Variants in LMBR1L observed in about 807,000 individuals in gnomAD.
LMBR1L encodes limb development membrane protein 1 like.
LMBR1L carries 47 observed loss-of-function variants against 67.3 expected under a neutral mutation model. The observed-to-expected ratio is 0.70, with a 90% confidence interval of 0.55 to 0.89. LMBR1L has a LOEUF of 0.89. Among genes scored for constraint, LMBR1L ranks in the 40% least tolerant of loss-of-function variants. The probability of loss-of-function intolerance (pLI) is 0.00; values close to 1 mark genes in which losing one functional copy is unlikely to be tolerated. For synonymous variants in LMBR1L, 247 were observed against 250.3 expected (o/e 0.99, Z 0.13); for missense variants, 533 against 599.2 (o/e 0.89, Z 1.15).
At chr12:49,104,721 C>G (rs1425088383) in intron 4 of LMBR1L, 25 bp downstream of exon 4, 1 of 1,612,556 alleles carries the variant, frequency 6.2e-7, no homozygotes, top group African/African-American at 1.3e-5. Context: ...ATCCCTACCC[C>G]AAGCAGCTTC....
At chr12:49,101,050 A>G (rs747246442) in intron 13 of LMBR1L, 200 bp downstream of exon 13, 143 of 1,204,972 alleles carry the variant, frequency 1.2e-4, no homozygotes, top group Non-Finnish European at 1.5e-4. Context: ...TCTTCTGATC[A>G]GATTCTACTG....
In LMBR1L at chr12:49,104,212, C is replaced by A. The variant is rs1158311968; in HGVS notation, c.435+236G>T. The A allele has an allele frequency of 4.6e-5, 25 of 547,346 alleles. No individual in the cohort carries two copies. The Admixed American group carries it at 6.4e-4, about 14-fold the overall frequency. The allele number at this position is 547,346 out of a possible 1,614,324, so 33.9% of individuals were successfully genotyped here. A position where few individuals can be genotyped will look rare whatever the true frequency, so the allele number is the denominator to read the frequency against. On this transcript the variant is annotated intron_variant, in intron 5 of 16. Transcript: ENST00000267102. Reference sequence around the variant, plus strand: ...TTTGGCAGTGATTATGACACTAAGACAACAGCTCCTCTCTGGGCAGCTTCA... The same window carrying A: ...TTTGGCAGTGATTATGACACTAAGAAAACAGCTCCTCTCTGGGCAGCTTCA...
In LMBR1L at chr12:49,104,432, C is replaced by A. The variant is rs1431808013; in HGVS notation, c.435+16G>T. 6.5e-6 allele frequency: 10 copies of A among 1,531,772 alleles called. No individual in the cohort carries two copies. Among genetic ancestry groups the A allele is most frequent in the Non-Finnish European group, 9.0e-6 (10 of 1,106,168 alleles). 94.9% of individuals were successfully genotyped at this position (1,531,772 alleles called of 1,614,324 possible). The stretch of plus-strand genomic sequence containing the variant: ...TGGAATTCCGTTTCCTGCCTGGATA[C>A]ATATCCCCTACTTACCTTTCTGGAG... On this transcript the variant is annotated intron_variant, in intron 5 of 16. Transcript: ENST00000267102.
In LMBR1L at chr12:49,102,121, G is replaced by A. The variant is rs775304548; in HGVS notation, c.929C>T (p.Thr310Met). The A allele has an allele frequency of 1.4e-5, 23 of 1,613,678 alleles. No individual in the cohort carries two copies. Among genetic ancestry groups the A allele is most frequent in the African/African-American group, 5.3e-5 (4 of 74,922 alleles). Residue 310 changes from threonine to methionine, a missense_variant and splice_region_variant, in exon 11 of 17, where the codon ACG becomes ATG. Thr to Met is a moderately conservative substitution (Grantham distance 81). Around this residue, in one of 3 missense-constraint regions of LMBR1L, gnomAD observed 223 missense variants for 241.2 expected, o/e 0.92. Transcript: ENST00000267102. ...PLAMLCLLVL[T>M]GLSVLIVAIH... Reference sequence around the variant, plus strand: ...CACCTCTAGGGCTGGTATACCTACCGTCAGCACCAGCAAGCACAGCATAGC... The same window carrying A: ...CACCTCTAGGGCTGGTATACCTACCATCAGCACCAGCAAGCACAGCATAGC...
chr12:49,103,635 G>A (rs1161744655), intron 6 of LMBR1L, 52 bp downstream of exon 6: 1 of 1,568,910 alleles, frequency 6.4e-7, no homozygotes, highest in Non-Finnish European at 8.6e-7. Flanking sequence ...CAGGCAGGGG[G>A]ACATGGGCCA....
chr12:49,107,792 C>T (rs899406803), intron 1 of LMBR1L, among the ~76,000 whole-genome samples: 2 of 152,224 alleles, frequency 1.3e-5, no homozygotes, highest in African/African-American at 4.8e-5. Context: ...GCTGCTGCTG[C>T]CCAGAGGAGG....
intron 13 of LMBR1L, 147 bp downstream of exon 13, chr12:49,101,103 T>G: frequency 3.2e-6 from 5 of 1,543,222 alleles, no homozygotes; most frequent in Non-Finnish European, 4.4e-6. Flanking sequence ...TCCTTCTTTC[T>G]GAACCTGAGG....
At chr12:49,109,978 G>T in intron 1 of LMBR1L, 1 of 454,444 alleles carries the variant, frequency 2.2e-6, no homozygotes, top group South Asian at 1.6e-5. Flanking sequence ...ACCCCAGCAA[G>T]ACTCCTTTCT....
intron 16 of LMBR1L, 73 bp downstream of exon 16, chr12:49,097,871 G>T: frequency 1.3e-6 from 2 of 1,589,156 alleles, no homozygotes; most frequent in Non-Finnish European, 1.7e-6. Context: ...CTCCCCTGCT[G>T]GGGTGATCCA....
chr12:49,104,662 G>A, intron 4 of LMBR1L, 84 bp downstream of exon 4: 1 of 1,589,504 alleles, frequency 6.3e-7, no homozygotes, highest in African/African-American at 1.3e-5. Flanking sequence ...ATGACTGCTT[G>A]GCGCACGGCT....
intron 2 of LMBR1L, among the ~76,000 whole-genome samples, chr12:49,106,255 AT>A (rs1403309464): frequency 6.6e-6 from 1 of 152,206 alleles, no homozygotes; most frequent in East Asian, 1.9e-4. Flanking sequence ...CAAACTATTA[AT>A]ATAATAAACA....
intron 1 of LMBR1L, chr12:49,110,001 G>T (rs1229516548): frequency 4.4e-6 from 2 of 457,330 alleles, no homozygotes; most frequent in South Asian, 3.1e-5. Flanking sequence ...CAAAGCAGAT[G>T]ACCCACCAAG....
At position 49,100,474 on chromosome 12, in the gene LMBR1L, G is replaced by A. The variant is rs1940004863; in HGVS notation, c.1174-20C>T. 1.9e-6 allele frequency: 3 copies of A among 1,612,484 alleles called. No homozygotes were observed. In the African/African-American group the frequency reaches 4.0e-5, roughly 22 times the overall value. ...AATTATCTGGGTGGAAGCAGGGAAA[G>A]GAGAGGTGAGGGTGGAAGAGCTGCA... On this transcript the variant is annotated intron_variant, in intron 14 of 16. Coordinates refer to ENST00000267102, the MANE Select transcript of LMBR1L (RefSeq NM_018113.4).
rs991772614 is a variant in LMBR1L at position 49,110,386 on chromosome 12, G to A, written c.72+98C>T. The stretch of plus-strand genomic sequence containing the variant: ...GCCTCCGTCGCCCGCCGCTGGCCCA[G>A]GCATGGTTTGACGGCACTCTGAGAC... On this transcript the variant is annotated intron_variant, in intron 1 of 16. Transcript: ENST00000267102. 2.5e-6 allele frequency: 3 copies of A among 1,205,904 alleles called. No individual in the cohort carries two copies. In the East Asian group the frequency reaches 7.0e-5, roughly 28 times the overall value. The allele number at this position is 1,205,904 out of a possible 1,614,324, so 74.7% of individuals were successfully genotyped here.
Position 49,110,700 on chromosome 12 carries a change from CAGAT to C in LMBR1L, c.-149_-146del. 1 of 685,782 alleles carries C rather than the reference CAGAT, an allele frequency of 1.5e-6. No individual in the cohort carries two copies. The allele number at this position is 685,782 out of a possible 1,614,324, so 42.5% of individuals were successfully genotyped here. A position where few individuals can be genotyped will look rare whatever the true frequency, so the allele number is the denominator to read the frequency against. ...CAGAAACTCGGGGCAGTCTGGGGCT[CAGAT>C]ACAGTCGTCCGGACGCCCCGCCCTT... On this transcript the variant is annotated 5_prime_UTR_variant, in exon 1 of 17. Coordinates refer to ENST00000267102, the MANE Select transcript of LMBR1L (RefSeq NM_018113.4).
At chr12:49,109,334 T>C (rs185664888) in intron 1 of LMBR1L, among the ~76,000 whole-genome samples, 52 of 152,232 alleles carry the variant, frequency 3.4e-4, no homozygotes, top group Non-Finnish European at 5.4e-4. Flanking sequence ...CAACCCACCA[T>C]GTGGACTGTC....
chr12:49,102,518 T>G lies in LMBR1L; in HGVS notation c.719A>C (p.Gln240Pro). ...KPRLLEDLEE[Q>P]LYCSAFEEAA... ...CTCCTCAAAGGCTGAGCAGTACAGC[T>G]GCTCCTCCAGGTCTTCCAGCAGCTA... The change falls in exon 9 of 17, where the codon CAG (glutamine) becomes CCG (proline). Residue 240 changes from glutamine (Q) to proline (P), a missense_variant. This residue lies in a region of LMBR1L where 64 missense variants were observed against 109.0 expected (regional missense o/e 0.59). Transcript: ENST00000267102. 1.2e-6 allele frequency: 2 copies of G among 1,614,140 alleles called. No homozygotes were observed. Among genetic ancestry groups the G allele is most frequent in the African/African-American group, 1.3e-5 (1 of 75,062 alleles).
intron 1 of LMBR1L, among the ~76,000 whole-genome samples, chr12:49,108,350 T>G (rs1941154934): frequency 6.6e-6 from 1 of 151,726 alleles, no homozygotes; most frequent in South Asian, 2.1e-4. Context: ...GATCACGAGG[T>G]CAAGAGATCA....
rs1365432840 is a variant in LMBR1L, at chr12:49,104,571, G to A, written c.332-20C>T. On this transcript the variant is annotated intron_variant, in intron 4 of 16. Transcript: ENST00000267102. ...AGAGGCCTAGAGCAAAAAAGGAAGA[G>A]CAGAAGTGGTCAGTAAGGGGAGGGG... The A allele has an allele frequency of 1.3e-5, 21 of 1,600,686 alleles. No homozygotes were observed. The highest frequency in any genetic ancestry group is 1.5e-5 in the Non-Finnish European group (17 of 1,168,024).
Sources: gnomAD v4.1 joint callset for allele counts (sites outside exome capture counted in the v4.1 genomes callset) on GRCh38, gnomAD v4.1.1 for gene constraint, gnomAD v4.1.1 regional missense constraint, MANE v1.5 for transcripts, NCBI Gene and HGNC (gene_info 2026-07-23, HGNC 2026-07-21) for gene names.